The following LITAF variants were observed in gnomAD, a reference collection of about 807,000 sequenced individuals.
LITAF encodes the protein lipopolysaccharide-induced tumor necrosis factor-alpha factor.
A neutral mutation model predicts 14.5 loss-of-function variants in LITAF; 9 were observed. The observed-to-expected ratio is 0.62, with a 90% CI of 0.37 to 1.08. The LOEUF is 1.08. Among genes scored for constraint, LITAF ranks in the 50% least tolerant of loss-of-function variants. LITAF has a pLI of 0.01. For synonymous variants in LITAF, 98 were observed against 88.2 expected (o/e 1.11, Z -0.62); for missense variants, 206 against 213.4 (o/e 0.97, Z 0.22).
chr16:11,583,906 C>T (rs2064773539), intron 1 of LITAF, among the ~76,000 whole-genome samples: 1 of 152,174 alleles, frequency 6.6e-6, no homozygotes, highest in Non-Finnish European at 1.5e-5. Flanking sequence ...GCCTTAAGCT[C>T]TATGAAATTA....
intron 3 of LITAF, among the ~76,000 whole-genome samples, chr16:11,619,668 A>C (rs2065038677): frequency 6.6e-6 from 1 of 151,954 alleles, no homozygotes. Flanking sequence ...CTGGGCTCAA[A>C]CCACCATCCT....
upstream of LITAF, among the ~76,000 whole-genome samples, chr16:11,637,984 CTA>C (rs371920091): frequency 1.1e-3 from 53 of 48,102 alleles, 3 homozygotes; most frequent in South Asian, 8.7e-3. Context: ...CTATATATAT[CTA>C]TATATATCTA....
chr16:11,635,316 A>G (rs1197064916), intron 2 of LITAF, among the ~76,000 whole-genome samples: 1 of 152,182 alleles, frequency 6.6e-6, no homozygotes, highest in African/African-American at 2.4e-5. Flanking sequence ...GTAGATACCA[A>G]TCAACGCTGG....
upstream of LITAF, among the ~76,000 whole-genome samples, chr16:11,636,584 C>T (rs2065139271): frequency 2.0e-5 from 3 of 152,282 alleles, no homozygotes; most frequent in East Asian, 3.9e-4. Context: ...AGCTCTCTAC[C>T]TGGCCAATGC....
chr16:11,616,911 CAAAAAAAAAA>C (rs766801773), intron 3 of LITAF, among the ~76,000 whole-genome samples: 3 of 83,092 alleles, frequency 3.6e-5, no homozygotes, highest in Non-Finnish European at 7.3e-5. Flanking sequence ...GACTCTATCT[CAAAAAAAAAA>C]AAAAAAAAAA....
At chr16:11,599,489 G>C (rs781599368), upstream of LITAF, among the ~76,000 whole-genome samples, 37 of 152,206 alleles carry the variant, frequency 2.4e-4, no homozygotes, top group African/African-American at 8.9e-4. Context: ...CCATGAGTGA[G>C]CCCTGGGCTG....
chr16:11,620,966 G>C (rs1473076026), intron 3 of LITAF, among the ~76,000 whole-genome samples: 2 of 152,094 alleles, frequency 1.3e-5, no homozygotes, highest in Admixed American at 6.5e-5. Context: ...TGCCATCATG[G>C]CTTACTGCAG....
At chr16:11,552,703 T>C (rs2064199502) in intron 3 of LITAF, among the ~76,000 whole-genome samples, 1 of 152,126 alleles carries the variant, frequency 6.6e-6, no homozygotes, top group Non-Finnish European at 1.5e-5. Flanking sequence ...TGACTTGGCC[T>C]CCCAGGGGGC....
rs540770781 is a variant in LITAF, at chr16:11,549,623, C to T, written c.*14G>A. The T allele has an allele frequency of 2.1e-5, 34 of 1,599,380 alleles. No individual in the cohort carries two copies. Among genetic ancestry groups the T allele is most frequent in the Admixed American group, 1.2e-4 (7 of 59,582 alleles). On this transcript the variant is annotated 3_prime_UTR_variant, in exon 4 of 4. Coordinates refer to ENST00000622633, the MANE Select transcript of LITAF (RefSeq NM_001136472.2). This position sits in a 1 kb window ranked among gnomAD's most constrained non-coding sequence, Gnocchi z 4.6. Reference sequence around the variant, plus strand: ...TTCCTGCGGCACCCGGCTCCCTCCACGTCTGGCTGAGTCCTACAAACGCTT... The same window carrying T: ...TTCCTGCGGCACCCGGCTCCCTCCATGTCTGGCTGAGTCCTACAAACGCTT...
In LITAF at chr16:11,592,569, T is replaced by A. The variant is rs533260119; in HGVS notation, c.-6+5819A>T. On this transcript the variant is annotated intron_variant, in intron 1 of 3. Coordinates refer to the LITAF transcript ENST00000571627. ...CAACCTGGATGACAGAGCAAGACCC[T>A]GTCTCAAAAGAAAAAAAAAAAAGGG... Among the ~76,000 whole-genome samples the A allele has an allele frequency of 5.6e-5, 7 of 124,504 alleles. No individual in the cohort carries two copies. The South Asian group carries it at 1.7e-3, about 31-fold the overall frequency. 81.7% of individuals were successfully genotyped at this position (124,504 alleles called of 152,430 possible). A position where few individuals can be genotyped will look rare whatever the true frequency, so the allele number is the denominator to read the frequency against.
intron 3 of LITAF, among the ~76,000 whole-genome samples, chr16:11,606,160 T>C (rs978666711): frequency 1.3e-5 from 2 of 152,064 alleles, no homozygotes; most frequent in African/African-American, 4.8e-5. Flanking sequence ...CCCTGGATTT[T>C]TTTTAATTTT....
chr16:11,576,234 C>A (rs545385618), intron 1 of LITAF, among the ~76,000 whole-genome samples: 5 of 151,946 alleles, frequency 3.3e-5, no homozygotes, highest in Admixed American at 2.6e-4. Context: ...TTTGGGAGGC[C>A]GAGGCGGGTG....
At chr16:11,616,062 A>T (rs890922916) in intron 3 of LITAF, among the ~76,000 whole-genome samples, 1 of 152,164 alleles carries the variant, frequency 6.6e-6, no homozygotes, top group Admixed American at 6.5e-5. Flanking sequence ...TGCCAAATAC[A>T]TCCACTACCT....
At chr16:11,602,894 C>A (rs979571318), upstream of LITAF, among the ~76,000 whole-genome samples, 1 of 151,944 alleles carries the variant, frequency 6.6e-6, no homozygotes, top group Non-Finnish European at 1.5e-5. Flanking sequence ...GAGGATTGCT[C>A]GAGGCCAGGA....
chr16:11,602,837 T>G (rs1232990070), upstream of LITAF, among the ~76,000 whole-genome samples: 1 of 150,700 alleles, frequency 6.6e-6, no homozygotes, highest in African/African-American at 2.4e-5. Flanking sequence ...TGGGATTCAG[T>G]GACTGACTCA....
intron 1 of LITAF, among the ~76,000 whole-genome samples, chr16:11,576,562 G>C (rs1052568480): frequency 1.5e-5 from 2 of 130,168 alleles, no homozygotes; most frequent in Non-Finnish European, 3.4e-5. Flanking sequence ...AAAAGAGAGA[G>C]AGAAAGAGAA....
chr16:11,562,042 T>C (rs888393538), intron 1 of LITAF, among the ~76,000 whole-genome samples: 2 of 151,986 alleles, frequency 1.3e-5, no homozygotes, highest in South Asian at 4.1e-4. Context: ...TCTCAGCCTC[T>C]GGAGTAGGTG....
At position 11,548,908 on chromosome 16, in the gene LITAF, C is replaced by T. The variant is rs1477353667; in HGVS notation, c.*729G>A. On this transcript the variant is annotated 3_prime_UTR_variant, in exon 4 of 4. Coordinates refer to ENST00000622633, the MANE Select transcript of LITAF (RefSeq NM_001136472.2). ...ATAATTACTCTATGAGAAAAAAATC[C>T]CTGTATGGAAAGGGGCACTGAAGAT... 8 of 453,512 alleles carry T rather than the reference C, an allele frequency of 1.8e-5. No individual in the cohort carries two copies. The highest frequency in any genetic ancestry group is 3.1e-5 in the Non-Finnish European group (7 of 226,698). 28.1% of individuals were successfully genotyped at this position (453,512 alleles called of 1,614,324 possible). A position where few individuals can be genotyped will look rare whatever the true frequency, so the allele number is the denominator to read the frequency against.
At chr16:11,600,925 GCTATAATA>G (rs2064922609), upstream of LITAF, among the ~76,000 whole-genome samples, 1 of 152,136 alleles carries the variant, frequency 6.6e-6, no homozygotes, top group Non-Finnish European at 1.5e-5. The surrounding 1 kb of genome is among the most constrained non-coding windows in gnomAD (Gnocchi z 4.1). Flanking sequence ...ATGGATACAA[GCTATAATA>G]CAGGCAAACC....
Sources: allele counts gnomAD v4.1 joint callset (sites outside exome capture counted in the v4.1 genomes callset), GRCh38; gene constraint gnomAD v4.1.1; non-coding constraint Gnocchi (gnomAD v3.1); transcripts MANE v1.5; gene names NCBI Gene and HGNC (gene_info 2026-07-23, HGNC 2026-07-21).